The following RORA variants were observed in gnomAD, a reference collection of about 807,000 sequenced individuals.
RORA encodes RAR related orphan receptor A, also known as nuclear receptor ROR-alpha.
A neutral mutation model predicts 69.5 loss-of-function variants in RORA; 7 were observed. That is an observed-to-expected ratio of 0.10 (90% CI 0.06 to 0.19). The LOEUF is 0.19. Among genes scored for constraint, RORA ranks in the 10% least tolerant of loss-of-function variants. The pLI is 1.00. For synonymous variants in RORA, 261 were observed against 240.8 expected (o/e 1.08, Z -0.78); for missense variants, 457 against 663.0 (o/e 0.69, Z 3.41).
intron 2 of RORA, among the ~76,000 whole-genome samples, chr15:60,578,940 T>A (rs1448568784): frequency 2.0e-5 from 3 of 151,908 alleles, no homozygotes; most frequent in Non-Finnish European, 4.4e-5. Flanking sequence ...ATTTTTTGTA[T>A]TTTCAGTAGG....
chr15:60,768,335 C>T (rs993615436), intron 1 of RORA, among the ~76,000 whole-genome samples: 31 of 152,132 alleles, frequency 2.0e-4, no homozygotes, highest in African/African-American at 6.3e-4. Flanking sequence ...ACTGTGGGAT[C>T]GTGATGGGGC....
intron 2 of RORA, among the ~76,000 whole-genome samples, chr15:60,641,784 C>A (rs1275837652): frequency 1.3e-5 from 2 of 152,002 alleles, no homozygotes; most frequent in Non-Finnish European, 2.9e-5. Context: ...TAAAGAAACA[C>A]AATTAGAAAA....
intron 2 of RORA, among the ~76,000 whole-genome samples, chr15:60,620,503 G>A (rs1380218942): frequency 2.6e-5 from 4 of 152,196 alleles, no homozygotes; most frequent in Non-Finnish European, 5.9e-5. Flanking sequence ...AAGTAACATG[G>A]TAATGTCCAA....
At chr15:60,874,292 AT>A (rs960345259) in intron 1 of RORA, among the ~76,000 whole-genome samples, 1 of 152,062 alleles carries the variant, frequency 6.6e-6, no homozygotes, top group East Asian at 1.9e-4. Flanking sequence ...GTTTTATCTT[AT>A]TTTTTTCAAA....
chr15:60,914,230 C>T (rs757524334), intron 1 of RORA, among the ~76,000 whole-genome samples: 41 of 152,132 alleles, frequency 2.7e-4, no homozygotes, highest in Non-Finnish European at 4.4e-4. Context: ...TCAAGAAGCA[C>T]CAAATGTAAA....
intron 2 of RORA, 148 bp downstream of exon 2, chr15:60,678,509 G>C (rs972845360): frequency 3.0e-6 from 2 of 667,106 alleles, no homozygotes; most frequent in Admixed American, 2.3e-5. Context: ...TGCCACTTCC[G>C]ACCACTACAG....
chr15:61,195,327 T>G (rs779468121), intron 1 of RORA, among the ~76,000 whole-genome samples: 8 of 151,992 alleles, frequency 5.3e-5, no homozygotes, highest in Non-Finnish European at 1.2e-4. Flanking sequence ...ACTAGAGGTC[T>G]ACTCCACATT....
intron 2 of RORA, among the ~76,000 whole-genome samples, chr15:60,648,400 C>T (rs980414062): frequency 1.3e-5 from 2 of 152,176 alleles, no homozygotes; most frequent in African/African-American, 4.8e-5. Context: ...CCTTAGGTGC[C>T]CGTAGATCAT....
intron 1 of RORA, among the ~76,000 whole-genome samples, chr15:61,210,793 T>C (rs570705844): frequency 4.5e-4 from 68 of 152,366 alleles, no homozygotes; most frequent in African/African-American, 1.5e-3. Flanking sequence ...AACCCATTTC[T>C]TTCAGGATTC....
chr15:61,219,313 G>C lies in RORA; in HGVS notation c.166+9740C>G, dbSNP rs374545953. 9.8e-5 allele frequency among the ~76,000 whole-genome samples: 15 copies of C among 152,348 alleles called. No individual in the cohort carries two copies. The East Asian group carries it at 1.2e-3, about 12-fold the overall frequency. Reference sequence around the variant, plus strand: ...CATTAGGCTGGGTGTGGTGGCTCATGCCTGTAATCCCAGCACTTTGGGAGG... The same window carrying C: ...CATTAGGCTGGGTGTGGTGGCTCATCCCTGTAATCCCAGCACTTTGGGAGG... On this transcript the variant is annotated intron_variant, in intron 1 of 10. Transcript: ENST00000335670.
chr15:60,979,335 G>T, intron 1 of RORA, among the ~76,000 whole-genome samples: 2 of 113,616 alleles, frequency 1.8e-5, no homozygotes, highest in African/African-American at 3.5e-5. Context: ...ATTTTCATTT[G>T]AATTTTAGGG....
At chr15:60,946,402 C>T (rs1301300882) in intron 1 of RORA, among the ~76,000 whole-genome samples, 3 of 152,198 alleles carry the variant, frequency 2.0e-5, no homozygotes, top group South Asian at 2.1e-4. Flanking sequence ...CGAGTGCCTG[C>T]GATTGCAGGC....
chr15:60,818,745 T>G (rs552337021), intron 1 of RORA, among the ~76,000 whole-genome samples: 1 of 152,374 alleles, frequency 6.6e-6, no homozygotes, highest in South Asian at 2.1e-4. Flanking sequence ...CTTTCATCAG[T>G]AGGACAATGA....
At chr15:61,038,963 C>T (rs930249101) in intron 1 of RORA, 1 of 152,104 alleles carries the variant, frequency 6.6e-6, no homozygotes, top group Non-Finnish European at 1.5e-5. Context: ...CTTTTTGAGG[C>T]AAGAGGGTAA....
intron 1 of RORA, among the ~76,000 whole-genome samples, chr15:60,833,682 C>G (rs913543890): frequency 3.9e-5 from 6 of 152,304 alleles, no homozygotes; most frequent in African/African-American, 1.2e-4. Flanking sequence ...TCTGGCAACA[C>G]CTCTATGAAT....
chr15:60,540,361 G>T (rs1213275376), intron 2 of RORA, among the ~76,000 whole-genome samples: 1 of 152,032 alleles, frequency 6.6e-6, no homozygotes, highest in African/African-American at 2.4e-5. Context: ...TCTAGTTTCT[G>T]CTCAACCGAA....
intron 2 of RORA, among the ~76,000 whole-genome samples, chr15:60,636,906 C>T: frequency 6.6e-6 from 1 of 152,054 alleles, no homozygotes. Context: ...TTTATTAATT[C>T]TTTAAATATT....
chr15:60,645,151 G>A (rs1348558517), intron 2 of RORA, among the ~76,000 whole-genome samples: 1 of 152,012 alleles, frequency 6.6e-6, no homozygotes, highest in Non-Finnish European at 1.5e-5. Context: ...AAAATTCCAT[G>A]ATAAGCTATG....
At chr15:60,713,255 T>C (rs990878118) in intron 1 of RORA, among the ~76,000 whole-genome samples, 1 of 152,106 alleles carries the variant, frequency 6.6e-6, no homozygotes, top group Non-Finnish European at 1.5e-5. Context: ...GGCAAGTCAT[T>C]CCTCCCTTCA....
Sources: gnomAD v4.1 joint callset for allele counts (sites outside exome capture counted in the v4.1 genomes callset) on GRCh38, gnomAD v4.1.1 for gene constraint, MANE v1.5 for transcripts, NCBI Gene and HGNC (gene_info 2026-07-23, HGNC 2026-07-21) for gene names.